SGCZ: variants seen among roughly 807,000 people sequenced by gnomAD.
SGCZ encodes the protein sarcoglycan zeta, also known as zeta-sarcoglycan.
SGCZ carries 40 observed loss-of-function variants against 41.3 expected under a neutral mutation model. That is an observed-to-expected ratio of 0.97 (90% confidence interval 0.75 to 1.26). SGCZ has a LOEUF of 1.26. Ranked by LOEUF, SGCZ falls within the 50% of genes most tolerant of loss-of-function variation. The pLI is 0.00. For synonymous variants in SGCZ, 206 were observed against 137.5 expected (o/e 1.50, Z -3.49); for missense variants, 552 against 369.8 (o/e 1.49, Z -4.04).
At chr8:14,125,503 CA>C (rs35509746) in intron 5 of SGCZ, among the ~76,000 whole-genome samples, 121 of 118,384 alleles carry the variant, frequency 1.0e-3, no homozygotes, top group Middle Eastern at 4.6e-3. Context: ...GATTCCGTCT[CA>C]AAAAAAAAAA....
chr8:14,125,219 C>T (rs868055286), intron 5 of SGCZ, among the ~76,000 whole-genome samples: 8 of 152,054 alleles, frequency 5.3e-5, no homozygotes, highest in East Asian at 1.9e-4. Context: ...TGGTGGCTCA[C>T]GCCTGCAATC....
intron 2 of SGCZ, among the ~76,000 whole-genome samples, chr8:14,460,904 T>G (rs1449737847): frequency 1.3e-5 from 2 of 152,214 alleles, no homozygotes; most frequent in African/African-American, 4.8e-5. Context: ...TACTTTCATT[T>G]GGCCCATATT....
intron 1 of SGCZ, among the ~76,000 whole-genome samples, chr8:14,846,898 C>T (rs531506698): frequency 6.6e-6 from 1 of 151,710 alleles, no homozygotes; most frequent in African/African-American, 2.4e-5. Context: ...GGTGAAACGA[C>T]ATCTCTACTA....
chr8:14,827,219 A>G (rs566156057), intron 1 of SGCZ, among the ~76,000 whole-genome samples: 1 of 147,738 alleles, frequency 6.8e-6, no homozygotes, highest in African/African-American at 2.5e-5. Flanking sequence ...TGTTTATATC[A>G]CATTTTCTTT....
chr8:14,676,740 A>G (rs1412696973), intron 1 of SGCZ, among the ~76,000 whole-genome samples: 1 of 152,246 alleles, frequency 6.6e-6, no homozygotes, highest in Non-Finnish European at 1.5e-5. Flanking sequence ...ACAGATGCAG[A>G]AAAGAATCTG....
chr8:15,064,020 T>C, intron 1 of SGCZ, among the ~76,000 whole-genome samples: 1 of 152,204 alleles, frequency 6.6e-6, no homozygotes, highest in Middle Eastern at 3.2e-3. Context: ...GGCCTTCAAC[T>C]ATGACTCAAC....
At chr8:14,229,084 CGTCTCTTTCAG>C (rs1322985866) in intron 4 of SGCZ, among the ~76,000 whole-genome samples, 2 of 152,014 alleles carry the variant, frequency 1.3e-5, no homozygotes, top group Admixed American at 1.3e-4. Context: ...CCAGCCAAAC[CGTCTCTTTCAG>C]GTTTTAGTCT....
intron 1 of SGCZ, among the ~76,000 whole-genome samples, chr8:14,887,273 C>A (rs947871478): frequency 6.6e-6 from 1 of 152,120 alleles, no homozygotes; most frequent in Non-Finnish European, 1.5e-5. Flanking sequence ...ATATTTTTGT[C>A]ATTTGCTTTC....
chr8:14,422,958 G>C (rs893058928), intron 2 of SGCZ, among the ~76,000 whole-genome samples: 4 of 152,044 alleles, frequency 2.6e-5, no homozygotes, highest in African/African-American at 9.7e-5. Flanking sequence ...AACTGAGCAG[G>C]ACAAGGCTGC....
chr8:14,482,768 G>C (rs1801569473), intron 2 of SGCZ, among the ~76,000 whole-genome samples: 1 of 151,884 alleles, frequency 6.6e-6, no homozygotes. Context: ...GTAGAATGCT[G>C]TCTCTCTGCT....
chr8:14,301,511 T>C (rs1563244854), intron 3 of SGCZ, among the ~76,000 whole-genome samples: 1 of 152,172 alleles, frequency 6.6e-6, no homozygotes, highest in South Asian at 2.1e-4. Context: ...TTCACGGCAG[T>C]CTTTTATGAA....
intron 1 of SGCZ, among the ~76,000 whole-genome samples, chr8:14,857,771 C>A (rs1336811412): frequency 6.6e-6 from 1 of 152,076 alleles, no homozygotes. Flanking sequence ...GAGGCTCAGG[C>A]AGGACAATTG....
chr8:15,078,292 A>G (rs73205441), intron 1 of SGCZ, among the ~76,000 whole-genome samples: 2,124 of 150,690 alleles, frequency 0.014, 22 homozygotes, highest in Non-Finnish European at 0.023. Flanking sequence ...CTGCATCAAT[A>G]TTCCCCTGGT....
intron 1 of SGCZ, among the ~76,000 whole-genome samples, chr8:14,719,593 C>T (rs1809812846): frequency 1.3e-5 from 2 of 152,062 alleles, no homozygotes; most frequent in Admixed American, 6.5e-5. Context: ...TTTGCATTTC[C>T]CTGATGGCCA....
At chr8:14,220,305 T>G (rs953225480) in intron 4 of SGCZ, among the ~76,000 whole-genome samples, 1 of 152,036 alleles carries the variant, frequency 6.6e-6, no homozygotes, top group African/African-American at 2.4e-5. Flanking sequence ...CATTGTGGAG[T>G]ATCAGAGACA....
chr8:14,321,896 G>A lies in SGCZ; in HGVS notation c.336+2207C>T, dbSNP rs12056408. ...GTTTGTGTTCTTCCTTAACCTAAGA[G>A]TTAAGCACTTTGATAACTTTCTACC... On this transcript the variant is annotated intron_variant, in intron 3 of 7. Coordinates refer to ENST00000382080, the MANE Select transcript of SGCZ (RefSeq NM_139167.4). Among the ~76,000 whole-genome samples, 1,237 of 152,186 alleles carry A rather than the reference G, an allele frequency of 8.1e-3. 41 individuals carry two copies. The East Asian group carries it at 0.1, about 13-fold the overall frequency.
chr8:15,170,781 C>T (rs113982542), intron 1 of SGCZ, among the ~76,000 whole-genome samples: 9 of 152,116 alleles, frequency 5.9e-5, no homozygotes, highest in African/African-American at 2.2e-4. Context: ...TCTGAGCTCC[C>T]TATAGGAATA....
At chr8:14,849,951 TAA>T (rs1803256641) in intron 1 of SGCZ, among the ~76,000 whole-genome samples, 1 of 152,198 alleles carries the variant, frequency 6.6e-6, no homozygotes, top group Admixed American at 6.5e-5. Flanking sequence ...TACAGAAAGT[TAA>T]ACATAAATTT....
chr8:15,214,096 G>T (rs965331228), intron 1 of SGCZ, among the ~76,000 whole-genome samples: 1 of 151,646 alleles, frequency 6.6e-6, no homozygotes, highest in African/African-American at 2.4e-5. Flanking sequence ...CTAGTATAAT[G>T]AAATGTTCTC....
Sources: gnomAD v4.1 joint callset for allele counts (sites outside exome capture counted in the v4.1 genomes callset) on GRCh38, gnomAD v4.1.1 for gene constraint, MANE v1.5 for transcripts, NCBI Gene and HGNC (gene_info 2026-07-23, HGNC 2026-07-21) for gene names.